Variants in ATP5PO observed in about 807,000 individuals in gnomAD.
ATP5PO encodes the protein ATP synthase peripheral stalk subunit OSCP, mitochondrial.
A neutral mutation model predicts 26.2 loss-of-function variants in ATP5PO; 14 were observed. The ratio of observed to expected loss-of-function variants is 0.53; its 90% CI spans 0.35 to 0.83. ATP5PO has a LOEUF of 0.83. Ranked by LOEUF, ATP5PO falls within the 40% of genes least tolerant of loss-of-function variation. The probability of loss-of-function intolerance (pLI) is 0.01; values close to 1 mark genes in which losing one functional copy is unlikely to be tolerated. For missense variants in ATP5PO, 241 were observed against 258.5 expected (o/e 0.93, Z 0.46); for synonymous variants, 106 against 95.1 (o/e 1.12, Z -0.67).
chr21:33,909,830 A>G (rs1987225490), intron 3 of ATP5PO, among the ~76,000 whole-genome samples: 1 of 152,206 alleles, frequency 6.6e-6, no homozygotes, highest in African/African-American at 2.4e-5. Context: ...ACTTTAATAT[A>G]TTTAAGAGAG....
Position 33,907,347 on chromosome 21 carries a change from A to C in ATP5PO, c.435T>G (p.Ser145=), listed in dbSNP as rs1569366365. 75 of 1,610,174 alleles carry C rather than the reference A, an allele frequency of 4.7e-5. No individual in the cohort carries two copies. Among genetic ancestry groups the C allele is most frequent in the Non-Finnish European group, 6.1e-5 (72 of 1,177,102 alleles). ...GCAACAACCCGTTACTTACAGATGC[A>C]GAGGTCACTGTGCAAGGTACCTCTC... ...HRGEVPCTVT[S]ASPLEEATLS... is the part of the protein sequence containing the mutation. The change falls in exon 5 of 7, where the codon TCT becomes TCG. Residue 145 remains serine, a synonymous_variant. Coordinates refer to ENST00000290299, the MANE Select transcript of ATP5PO (RefSeq NM_001697.3).
intron 6 of ATP5PO, 57 bp from the exon 7 acceptor site, chr21:33,903,696 A>G (rs899290972): frequency 6.4e-7 from 1 of 1,574,252 alleles, no homozygotes; most frequent in Non-Finnish European, 8.7e-7. Flanking sequence ...GGGACACACA[A>G]AAAAGTGTTT....
chr21:33,904,664 C>G (rs557548876), intron 5 of ATP5PO, among the ~76,000 whole-genome samples: 2 of 152,298 alleles, frequency 1.3e-5, no homozygotes, highest in African/African-American at 4.8e-5. Context: ...ACTCTCCTCT[C>G]GGCCCCAACT....
intron 2 of ATP5PO, among the ~76,000 whole-genome samples, chr21:33,912,870 C>G (rs534022165): frequency 6.6e-6 from 1 of 152,226 alleles, no homozygotes; most frequent in Admixed American, 6.5e-5. Context: ...TACACATTTT[C>G]CCTTACATAG....
intron 3 of ATP5PO, among the ~76,000 whole-genome samples, chr21:33,911,729 C>T (rs964315233): frequency 1.5e-4 from 20 of 136,322 alleles, no homozygotes; most frequent in African/African-American, 5.6e-4. Context: ...TGCAATGGCG[C>T]GATCTCGGCT....
At chr21:33,911,379 C>T (rs925292888) in intron 3 of ATP5PO, among the ~76,000 whole-genome samples, 3 of 152,162 alleles carry the variant, frequency 2.0e-5, no homozygotes, top group Non-Finnish European at 4.4e-5. Flanking sequence ...AACTCTGCTG[C>T]CCAGCGCGCC....
intron 1 of ATP5PO, 192 bp downstream of exon 1, chr21:33,915,536 G>C: frequency 1.3e-6 from 1 of 788,408 alleles, no homozygotes; most frequent in South Asian, 1.9e-5. Context: ...GCAGCCCCGC[G>C]CCTACTGCCC....
chr21:33,903,789 A>G (rs1293862445), intron 6 of ATP5PO, 146 bp downstream of exon 6: 1 of 1,074,580 alleles, frequency 9.3e-7, no homozygotes, highest in African/African-American at 1.6e-5. Context: ...ACAGTCAGAT[A>G]ATCATTTAAA....
At chr21:33,912,422 G>T in intron 2 of ATP5PO, 23 bp from the exon 3 acceptor site, 1 of 1,569,700 alleles carries the variant, frequency 6.4e-7, no homozygotes, top group Non-Finnish European at 8.7e-7. Context: ...GGTGAAATAG[G>T]AGAGGAAAGA....
At position 33,909,117 on chromosome 21, in the gene ATP5PO, T is replaced by C. The variant is rs4842; in HGVS notation, c.293A>G (p.Lys98Arg). 0.089 allele frequency: 144,241 copies of C among 1,612,302 alleles called. 7,003 individuals carry two copies. Among genetic ancestry groups the C allele is most frequent in the African/African-American group, 0.1 (7,631 of 74,988 alleles). Reference sequence around the variant, plus strand: ...GGTAGTGAGGGGAGAGAACCTCTCTTTTGCTGTGATGTCATTTAGGCTTTT... The same window carrying C: ...GGTAGTGAGGGGAGAGAACCTCTCTCTTGCTGTGATGTCATTTAGGCTTTT... ...KVKSLNDITAKERFSPLTTNL... is the reference protein window; with the variant it reads ...KVKSLNDITARERFSPLTTNL... The change falls in exon 4 of 7, where the codon AAA (lysine) becomes AGA (arginine). Residue 98 changes from lysine to arginine, a missense_variant. Physicochemically the swap from Lys to Arg is conservative, Grantham distance 26. Around this residue, in one of 3 missense-constraint regions of ATP5PO, gnomAD observed 39 missense variants for 75.5 expected, o/e 0.52. Coordinates refer to ENST00000290299, the MANE Select transcript of ATP5PO (RefSeq NM_001697.3).
At chr21:33,907,010 CT>C (rs1987181931) in intron 5 of ATP5PO, 1 of 347,782 alleles carries the variant, frequency 2.9e-6, no homozygotes, top group Admixed American at 4.2e-5. Context: ...CTCTAGAATT[CT>C]AGTTTCAGGA....
intron 5 of ATP5PO, 147 bp from the exon 6 acceptor site, chr21:33,904,168 T>A: frequency 1.6e-6 from 1 of 634,746 alleles, no homozygotes; most frequent in Non-Finnish European, 2.6e-6. Context: ...TCTGCAGCAT[T>A]CACTCCTTGT....
intron 5 of ATP5PO, chr21:33,906,635 C>A: frequency 2.2e-6 from 1 of 455,352 alleles, no homozygotes; most frequent in East Asian, 7.0e-5. Flanking sequence ...CAAAAAGATA[C>A]AAAGGCCCAA....
intron 2 of ATP5PO, among the ~76,000 whole-genome samples, chr21:33,912,842 T>C (rs890120235): frequency 1.3e-5 from 2 of 152,270 alleles, no homozygotes; most frequent in Admixed American, 6.5e-5. Context: ...TATACTTTTA[T>C]ACATTTCATA....
Position 33,908,435 on chromosome 21 carries a change from T to C in ATP5PO, c.328+647A>G, listed in dbSNP as rs187129154. The stretch of plus-strand genomic sequence containing the variant: ...GATCTGAAAAGCAATCCAGGCTGCA[T>C]GGTGGCTCATGCCTGTAACCCCAAC... On this transcript the variant is annotated intron_variant, in intron 4 of 6. Transcript: ENST00000290299. Among the ~76,000 whole-genome samples, 160 of 152,042 alleles carry C rather than the reference T, an allele frequency of 1.1e-3. 1 individual carries two copies. The highest frequency in any genetic ancestry group is 3.8e-3 in the African/African-American group (159 of 41,488).
At chr21:33,903,733 G>C in intron 6 of ATP5PO, 94 bp from the exon 7 acceptor site, 2 of 1,356,200 alleles carry the variant, frequency 1.5e-6, no homozygotes, top group Non-Finnish European at 2.1e-6. Flanking sequence ...TTGCACAAAT[G>C]TAAGAGGTTA....
rs145094128 is a variant in ATP5PO, at chr21:33,912,405, A to C, written c.88-6T>G. 759 of 1,601,078 alleles carry C rather than the reference A, an allele frequency of 4.7e-4. 2 individuals are homozygous for C. In the African/African-American group the frequency reaches 9.1e-3, roughly 19 times the overall value. On this transcript the variant is annotated splice_polypyrimidine_tract_variant and splice_region_variant and intron_variant, in intron 2 of 6. Transcript: ENST00000290299. ...CCGTATACCTGAACAGGAGGCTTTA[A>C]AAAAAAGGTGAAATAGGAGAGGAAA...
At chr21:33,912,690 CT>C (rs1299170735) in intron 2 of ATP5PO, among the ~76,000 whole-genome samples, 1 of 152,100 alleles carries the variant, frequency 6.6e-6, no homozygotes, top group East Asian at 1.9e-4. Flanking sequence ...TTATCAATTA[CT>C]TGTACTTTAA....
rs762497837 is a variant in ATP5PO, at chr21:33,912,275, G to A, written c.198+14C>T. On this transcript the variant is annotated intron_variant, in intron 3 of 6. Transcript: ENST00000290299. ...ACAGGAACTTCATATGTAATGAATAGGAAAGCTACTTACTGCTACTCTCAA... is the reference window on the plus strand; with the variant it reads ...ACAGGAACTTCATATGTAATGAATAAGAAAGCTACTTACTGCTACTCTCAA... 4.4e-6 allele frequency: 7 copies of A among 1,593,988 alleles called. No homozygotes were observed. The South Asian group carries it at 5.6e-5, about 13-fold the overall frequency.
Sources: gnomAD v4.1 joint callset for allele counts (sites outside exome capture counted in the v4.1 genomes callset) on GRCh38, gnomAD v4.1.1 for gene constraint, gnomAD v4.1.1 regional missense constraint, MANE v1.5 for transcripts, NCBI Gene and HGNC (gene_info 2026-07-23, HGNC 2026-07-21) for gene names.